GRK5: variants seen among roughly 807,000 people sequenced by gnomAD.
GRK5 encodes g protein-coupled receptor kinase GRK5.
In GRK5, 40 loss-of-function variants were observed where a neutral mutation model predicts 78.4. The observed-to-expected ratio is 0.51, with a 90% CI of 0.40 to 0.66. The LOEUF is 0.66. Among genes scored for constraint, GRK5 ranks in the 30% least tolerant of loss-of-function variants. The pLI, the probability that GRK5 is intolerant of heterozygous loss-of-function variation, is 0.00. For missense variants in GRK5, 598 were observed against 759.9 expected, an observed-to-expected ratio of 0.79 and a Z score of 2.50; for synonymous variants, 289 against 296.8, an observed-to-expected ratio of 0.97 and a Z score of 0.27.
intron 1 of GRK5, among the ~76,000 whole-genome samples, chr10:119,251,352 A>C (rs567527175): frequency 5.8e-4 from 89 of 152,358 alleles, no homozygotes; most frequent in African/African-American, 2.1e-3. Flanking sequence ...TCAGATTTCA[A>C]AGGCAGCACA....
At chr10:119,384,480 A>T (rs962274034) in intron 3 of GRK5, among the ~76,000 whole-genome samples, 1 of 152,078 alleles carries the variant, frequency 6.6e-6, no homozygotes, top group Non-Finnish European at 1.5e-5. Context: ...GTAAGTGGGG[A>T]TATAGCTGTA....
At chr10:119,411,047 C>T (rs1004642202) in intron 4 of GRK5, among the ~76,000 whole-genome samples, 4 of 151,732 alleles carry the variant, frequency 2.6e-5, no homozygotes, top group Admixed American at 2.0e-4. Flanking sequence ...TCAGGGAACC[C>T]GTATGGCTGA....
chr10:119,403,177 T>G (rs1484151370), intron 4 of GRK5, among the ~76,000 whole-genome samples: 1 of 152,212 alleles, frequency 6.6e-6, no homozygotes, highest in Non-Finnish European at 1.5e-5. Flanking sequence ...CTGGCTTCTT[T>G]TTTTTTTGAG....
At chr10:119,427,454 G>A (rs1278662315) in intron 6 of GRK5, among the ~76,000 whole-genome samples, 10 of 141,288 alleles carry the variant, frequency 7.1e-5, no homozygotes, top group Non-Finnish European at 1.2e-4. Context: ...CAGCATCACC[G>A]CCATCATCAG....
chr10:119,291,584 CTT>C (rs1399614944), intron 1 of GRK5, among the ~76,000 whole-genome samples: 2 of 144,398 alleles, frequency 1.4e-5, no homozygotes, highest in African/African-American at 5.2e-5. Context: ...TCCTCCTCCT[CTT>C]CCTCCTCCTC....
chr10:119,444,569 ATGGTCCCCAGCACAGCTGTGC>A (rs1853105714), intron 12 of GRK5, among the ~76,000 whole-genome samples: 1 of 151,938 alleles, frequency 6.6e-6, no homozygotes, highest in Non-Finnish European at 1.5e-5. Context: ...CCTCCTCCTT[ATGGTCCCCAGCACAGCTGTGC>A]TGGCACCCCC....
At chr10:119,284,889 G>C (rs964670077) in intron 1 of GRK5, among the ~76,000 whole-genome samples, 2 of 152,214 alleles carry the variant, frequency 1.3e-5, no homozygotes, top group South Asian at 4.1e-4. Context: ...CCTGGGCAGG[G>C]CTCTGCAGAG....
chr10:119,285,279 A>G (rs1270585891), intron 1 of GRK5, among the ~76,000 whole-genome samples: 2 of 152,084 alleles, frequency 1.3e-5, no homozygotes, highest in Non-Finnish European at 2.9e-5. Flanking sequence ...TCTCTAATGA[A>G]AGAGGTTAAA....
At chr10:119,425,122 G>A (rs1852648716) in intron 6 of GRK5, 37 bp downstream of exon 6, 14 of 1,402,960 alleles carry the variant, frequency 1.0e-5, no homozygotes, top group Non-Finnish European at 1.4e-5. Context: ...CAGGGAGGCA[G>A]AGGGTACACA....
At chr10:119,305,138 G>A (rs893958789) in intron 1 of GRK5, among the ~76,000 whole-genome samples, 7 of 152,128 alleles carry the variant, frequency 4.6e-5, no homozygotes, top group African/African-American at 1.7e-4. Flanking sequence ...GGTTGGCAGC[G>A]AGGACTTGAC....
At chr10:119,305,144 T>C (rs945503256) in intron 1 of GRK5, among the ~76,000 whole-genome samples, 4 of 152,180 alleles carry the variant, frequency 2.6e-5, no homozygotes, top group African/African-American at 9.7e-5. Flanking sequence ...CAGCGAGGAC[T>C]TGACCTAGAG....
At chr10:119,307,511 G>A (rs1850290928) in intron 1 of GRK5, among the ~76,000 whole-genome samples, 1 of 152,092 alleles carries the variant, frequency 6.6e-6, no homozygotes, top group African/African-American at 2.4e-5. Context: ...ACCAGCGACT[G>A]CTGGTTTTGA....
At chr10:119,322,671 GA>G (rs1189784635) in intron 1 of GRK5, among the ~76,000 whole-genome samples, 1 of 152,192 alleles carries the variant, frequency 6.6e-6, no homozygotes, top group African/African-American at 2.4e-5. Context: ...ATCCTTTTAA[GA>G]AGTCACATTC....
At chr10:119,403,675 C>T (rs752045612) in intron 4 of GRK5, among the ~76,000 whole-genome samples, 8 of 151,886 alleles carry the variant, frequency 5.3e-5, no homozygotes, top group Non-Finnish European at 1.2e-4. Context: ...CTCTTGTTGC[C>T]CAGGCTGGAG....
chr10:119,326,661 C>A (rs978966474), intron 2 of GRK5, 50 bp downstream of exon 2: 4 of 1,437,382 alleles, frequency 2.8e-6, no homozygotes, highest in Non-Finnish European at 3.9e-6. Flanking sequence ...GCAGGTGATC[C>A]GCCAAGCCGT....
intron 1 of GRK5, among the ~76,000 whole-genome samples, chr10:119,232,598 T>C (rs1271336961): frequency 7.9e-5 from 12 of 152,194 alleles, no homozygotes; most frequent in Non-Finnish European, 1.6e-4. Context: ...TTTTCCATGC[T>C]GTTCTCGTGA....
intron 4 of GRK5, among the ~76,000 whole-genome samples, chr10:119,409,780 A>G (rs779782203): frequency 6.6e-6 from 1 of 151,632 alleles, no homozygotes; most frequent in Non-Finnish European, 1.5e-5. Flanking sequence ...ATCCAACATG[A>G]TTTCGGATTG....
chr10:119,416,531 G>T (rs1383404636), intron 4 of GRK5, among the ~76,000 whole-genome samples: 3 of 151,792 alleles, frequency 2.0e-5, no homozygotes, highest in Non-Finnish European at 4.4e-5. Flanking sequence ...CTCCTTCAAG[G>T]TCCAGGCCTG....
intron 2 of GRK5, among the ~76,000 whole-genome samples, chr10:119,350,177 T>A (rs774233129): frequency 1.3e-5 from 2 of 152,196 alleles, no homozygotes; most frequent in Non-Finnish European, 2.9e-5. Context: ...CCGGCTGCCA[T>A]CTCTGATGGG....
Sources: allele counts gnomAD v4.1 joint callset (sites outside exome capture counted in the v4.1 genomes callset), GRCh38; gene constraint gnomAD v4.1.1; transcripts MANE v1.5; gene names NCBI Gene and HGNC (gene_info 2026-07-23, HGNC 2026-07-21).